The following SMIM18 variants were observed in gnomAD, a reference collection of about 807,000 sequenced individuals.
SMIM18 encodes the protein small integral membrane protein 18.
A neutral mutation model predicts 5.9 loss-of-function variants in SMIM18; 4 were observed. The observed-to-expected ratio is 0.68, with a 90% CI of 0.33 to 1.56. The LOEUF is 1.56. SMIM18 is among the 40% of genes most tolerant of loss of function. The pLI is 0.06. For synonymous variants in SMIM18, 37 were observed against 37.4 expected, an observed-to-expected ratio of 0.99 and a Z score of 0.04; for missense variants, 89 against 109.7, an observed-to-expected ratio of 0.81 and a Z score of 0.84.
intron 1 of SMIM18, among the ~76,000 whole-genome samples, chr8:30,639,940 A>T (rs2128725423): frequency 6.6e-6 from 1 of 152,310 alleles, no homozygotes; most frequent in African/African-American, 2.4e-5. Context: ...CAGAAAGTAC[A>T]GAAGCACCAA....
At chr8:30,640,399 G>C (rs192752081) in intron 1 of SMIM18, among the ~76,000 whole-genome samples, 74 of 151,934 alleles carry the variant, frequency 4.9e-4, no homozygotes, top group African/African-American at 1.7e-3. Context: ...ATATCAAATG[G>C]GAGTAAACAT....
At chr8:30,644,635 C>T (rs527620912) in intron 2 of SMIM18, 63 bp downstream of exon 2, 1 of 152,178 alleles carries the variant, frequency 6.6e-6, no homozygotes, top group African/African-American at 2.4e-5. Context: ...AGAACATAAC[C>T]TTAAAACGCC....
chr8:30,644,521 T>C lies in SMIM18; in HGVS notation c.-81T>C, dbSNP rs1172431798. The C allele has an allele frequency of 6.6e-6, 1 of 152,152 alleles. No homozygotes were observed. Among genetic ancestry groups the C allele is most frequent in the African/African-American group, 2.4e-5 (1 of 41,434 alleles). 9.4% of individuals were successfully genotyped at this position (152,152 alleles called of 1,614,324 possible). A position where few individuals can be genotyped will look rare whatever the true frequency, so the allele number is the denominator to read the frequency against. ...TATTTCTGATTCAGATCACCTGTCATCGAAGTTTAAAGAAGGGGAAACAGG... is the reference window on the plus strand; with the variant it reads ...TATTTCTGATTCAGATCACCTGTCACCGAAGTTTAAAGAAGGGGAAACAGG... On this transcript the variant is annotated 5_prime_UTR_variant, in exon 2 of 3. Coordinates refer to ENST00000517349, the MANE Select transcript of SMIM18 (RefSeq NM_001206847.2).
chr8:30,645,549 T>C lies in SMIM18; in HGVS notation c.240T>C (p.Leu80=), dbSNP rs1275826680. Reference sequence around the variant, plus strand: ...ACTTGAAAAGTGAACCCAACCCTCTTAGAAGTATGATGGACAACATCAGAA... The same window carrying C: ...ACTTGAAAAGTGAACCCAACCCTCTCAGAAGTATGATGGACAACATCAGAA... ...VKDLKSEPNP[L]RSMMDNIRKR... The change falls in exon 3 of 3, where the codon CTT becomes CTC. Residue 80 remains leucine (L), a synonymous_variant. Coordinates refer to ENST00000517349, the MANE Select transcript of SMIM18 (RefSeq NM_001206847.2). The C allele has an allele frequency of 6.5e-7, 1 of 1,535,666 alleles. No individual in the cohort carries two copies. The highest frequency in any genetic ancestry group is 1.2e-5 in the South Asian group (1 of 84,066).
intron 1 of SMIM18, among the ~76,000 whole-genome samples, chr8:30,640,102 T>C (rs1801760028): frequency 6.6e-6 from 1 of 152,330 alleles, no homozygotes; most frequent in East Asian, 1.9e-4. Flanking sequence ...AATATGTCTA[T>C]TGTTAGCACA....
At position 30,645,751 on chromosome 8, in the gene SMIM18, T is replaced by C. The variant is rs181647944; in HGVS notation, c.*154T>C. 1.6e-4 allele frequency: 107 copies of C among 688,810 alleles called. 2 individuals carry two copies. In the African/African-American group the frequency reaches 1.6e-3, roughly 11 times the overall value. The allele number at this position is 688,810 out of a possible 1,614,324, so 42.7% of individuals were successfully genotyped here. A position where few individuals can be genotyped will look rare whatever the true frequency, so the allele number is the denominator to read the frequency against. ...GGGGAAAAAAAAGTTAAACATGCAC[T>C]GTTTGTGTGTATAGCCATTTCATTA... On this transcript the variant is annotated 3_prime_UTR_variant, in exon 3 of 3. Coordinates refer to ENST00000517349, the MANE Select transcript of SMIM18 (RefSeq NM_001206847.2).
At chr8:30,640,404 A>AAAT (rs1233189521) in intron 1 of SMIM18, among the ~76,000 whole-genome samples, 2 of 152,116 alleles carry the variant, frequency 1.3e-5, no homozygotes, top group South Asian at 2.1e-4. Flanking sequence ...AAATGGGAGT[A>AAAT]AACATATCAA....
chr8:30,641,505 G>T (rs1801829394), intron 1 of SMIM18, among the ~76,000 whole-genome samples: 1 of 152,150 alleles, frequency 6.6e-6, no homozygotes, highest in Non-Finnish European at 1.5e-5. Context: ...CGAGACTACA[G>T]GCGCAGGCTA....
chr8:30,640,588 T>A (rs1801781399), intron 1 of SMIM18, among the ~76,000 whole-genome samples: 1 of 152,266 alleles, frequency 6.6e-6, no homozygotes, highest in South Asian at 2.1e-4. Context: ...TACCTTTTTT[T>A]ATATACACCA....
At chr8:30,643,847 T>C (rs1347162071) in intron 1 of SMIM18, 1 of 152,074 alleles carries the variant, frequency 6.6e-6, no homozygotes, top group Non-Finnish European at 1.5e-5. Flanking sequence ...TCATACTACT[T>C]TGTAGTTTTC....
intron 2 of SMIM18, 62 bp from the exon 3 acceptor site, chr8:30,645,219 T>A: frequency 7.7e-7 from 1 of 1,295,930 alleles, no homozygotes; most frequent in Non-Finnish European, 1.0e-6. Context: ...ATCTTAGTAC[T>A]GAGATTTGAA....
At chr8:30,641,355 G>A (rs1301667269) in intron 1 of SMIM18, among the ~76,000 whole-genome samples, 4 of 152,046 alleles carry the variant, frequency 2.6e-5, no homozygotes, top group South Asian at 2.1e-4. Context: ...TATTAAAAGC[G>A]TAATTTGTTT....
chr8:30,640,557 A>C (rs962208611), intron 1 of SMIM18, among the ~76,000 whole-genome samples: 2 of 152,216 alleles, frequency 1.3e-5, no homozygotes, highest in African/African-American at 4.8e-5. Context: ...ATGGGTAGGG[A>C]AGTCCAGAAA....
At chr8:30,644,018 G>A (rs906460550) in intron 1 of SMIM18, among the ~76,000 whole-genome samples, 2 of 152,172 alleles carry the variant, frequency 1.3e-5, no homozygotes, top group African/African-American at 4.8e-5. Flanking sequence ...AATTAATGAA[G>A]TAGAACTACA....
chr8:30,645,160 A>T, intron 2 of SMIM18, 121 bp from the exon 3 acceptor site: 1 of 849,990 alleles, frequency 1.2e-6, no homozygotes, highest in Non-Finnish European at 1.8e-6. Flanking sequence ...ACTACCATTT[A>T]GGCATTAATT....
Position 30,645,440 on chromosome 8 carries a change from T to C in SMIM18, c.131T>C (p.Phe44Ser). 2 of 1,535,720 alleles carry C rather than the reference T, an allele frequency of 1.3e-6. No homozygotes were observed. The highest frequency in any genetic ancestry group is 1.7e-6 in the Non-Finnish European group (2 of 1,146,906). Residue 44 changes from phenylalanine (F) to serine (S), a missense_variant, in exon 3 of 3, where the codon TTT becomes TCT. Transcript: ENST00000517349. ...ACFVILLLFIFTVVSLVVLAF... is the reference protein window; with the variant it reads ...ACFVILLLFISTVVSLVVLAF... ...TTTGTCATCCTGCTTTTATTTATAT[T>C]TACAGTGGTATCTTTAGTGGTGCTG...
Position 30,645,534 on chromosome 8 carries a change from T to G in SMIM18, c.225T>G (p.Ser75Arg). The G allele has an allele frequency of 6.5e-7, 1 of 1,535,652 alleles. No homozygotes were observed. The highest frequency in any genetic ancestry group is 1.2e-5 in the South Asian group (1 of 84,060). ...ACAAAACCGTGAAAGACTTGAAAAG[T>G]GAACCCAACCCTCTTAGAAGTATGA... ...VKNKTVKDLK[S>R]EPNPLRSMMD... Residue 75 changes from serine (S) to arginine (R), a missense_variant, in exon 3 of 3, where the codon AGT becomes AGG. Physicochemically the swap from Ser to Arg is moderately radical, Grantham distance 110. Transcript: ENST00000517349.
chr8:30,638,677 T>C (rs528920863), intron 1 of SMIM18, 38 bp downstream of exon 1: 1 of 152,724 alleles, frequency 6.5e-6, no homozygotes, highest in Non-Finnish European at 1.5e-5. Context: ...GTGGTACATG[T>C]CCTTATGATG....
chr8:30,641,122 GT>G (rs1470319233), intron 1 of SMIM18, among the ~76,000 whole-genome samples: 6 of 152,208 alleles, frequency 3.9e-5, no homozygotes, highest in Non-Finnish European at 8.8e-5. Context: ...TAAATTTAAG[GT>G]GGAAAATGAC....
Sources: allele counts gnomAD v4.1 joint callset (sites outside exome capture counted in the v4.1 genomes callset), GRCh38; gene constraint gnomAD v4.1.1; transcripts MANE v1.5; gene names NCBI Gene and HGNC (gene_info 2026-07-23, HGNC 2026-07-21).